COL28A1: variants seen among roughly 807,000 people sequenced by gnomAD.
COL28A1 encodes the protein collagen alpha-1(XXVIII) chain.
A neutral mutation model predicts 150.2 loss-of-function variants in COL28A1; 161 were observed. That is an observed-to-expected ratio of 1.07 (90% CI 0.94 to 1.22). The LOEUF is 1.22. Ranked by LOEUF, COL28A1 falls within the 50% of genes most tolerant of loss-of-function variation. The probability of loss-of-function intolerance (pLI) is 0.00; values close to 1 mark genes in which losing one functional copy is unlikely to be tolerated. For missense variants in COL28A1, 1,617 were observed against 1,388.3 expected (o/e 1.16, Z -2.62); for synonymous variants, 552 against 469.7 (o/e 1.18, Z -2.26).
At chr7:7,397,873 C>A (rs1194745151) in intron 27 of COL28A1, among the ~76,000 whole-genome samples, 1 of 152,194 alleles carries the variant, frequency 6.6e-6, no homozygotes, top group Non-Finnish European at 1.5e-5. Context: ...CAAGTGCCTC[C>A]TACTCTCATC....
chr7:7,426,617 CCT>C (rs995199703), intron 25 of COL28A1, among the ~76,000 whole-genome samples: 1 of 152,144 alleles, frequency 6.6e-6, no homozygotes, highest in African/African-American at 2.4e-5. Context: ...TGCTACATTT[CCT>C]CTCAAGTATT....
At chr7:7,397,575 G>A (rs1782912809) in intron 27 of COL28A1, among the ~76,000 whole-genome samples, 1 of 152,156 alleles carries the variant, frequency 6.6e-6, no homozygotes. Context: ...TCATGAATAT[G>A]TGTATGTGCA....
At chr7:7,345,218 A>C in the COL28A1 span, among the ~76,000 whole-genome samples, 1 of 152,098 alleles carries the variant, frequency 6.6e-6, no homozygotes, top group East Asian at 1.9e-4. Flanking sequence ...TACCTATTAA[A>C]AGTTACATGA....
At chr7:7,351,231 A>G (rs1334483063), downstream of COL28A1, among the ~76,000 whole-genome samples, 1 of 152,160 alleles carries the variant, frequency 6.6e-6, no homozygotes, top group Non-Finnish European at 1.5e-5. Flanking sequence ...AGAGGATAGG[A>G]TGGTAAAAGA....
intron 14 of COL28A1, among the ~76,000 whole-genome samples, chr7:7,476,452 T>G (rs1044478261): frequency 6.6e-6 from 1 of 152,200 alleles, no homozygotes; most frequent in Non-Finnish European, 1.5e-5. Context: ...ACAGCCACAT[T>G]CCTTCATTTA....
At chr7:7,430,040 A>C (rs934064513) in intron 25 of COL28A1, among the ~76,000 whole-genome samples, 1 of 152,184 alleles carries the variant, frequency 6.6e-6, no homozygotes, top group African/African-American at 2.4e-5. Flanking sequence ...CTTTTGGAGG[A>C]AAATGGCATA....
chr7:7,464,421 A>T (rs1014362729), intron 15 of COL28A1, among the ~76,000 whole-genome samples: 2 of 152,228 alleles, frequency 1.3e-5, no homozygotes, highest in Admixed American at 6.5e-5. Flanking sequence ...CAACAAAACA[A>T]GCCTCAATAA....
At chr7:7,417,730 G>A (rs185971691) in intron 27 of COL28A1, 129 bp downstream of exon 27, 7 of 748,476 alleles carry the variant, frequency 9.4e-6, no homozygotes, top group Non-Finnish European at 9.3e-6. Flanking sequence ...CTAAACACTG[G>A]ATGCCATTTA....
intron 15 of COL28A1, among the ~76,000 whole-genome samples, chr7:7,471,125 T>TAAAAAAAAAAAAAAAAAAAAAA (rs746981344): frequency 2.3e-5 from 2 of 88,524 alleles, no homozygotes; most frequent in Non-Finnish European, 4.7e-5. Flanking sequence ...AAAAAATAAT[T>TAAAAAAAAAAAAAAAAAAAAAA]AAAAAAAAAA....
intron 33 of COL28A1, among the ~76,000 whole-genome samples, chr7:7,366,253 T>G (rs1293147436): frequency 6.6e-6 from 1 of 152,190 alleles, no homozygotes; most frequent in East Asian, 1.9e-4. Flanking sequence ...TCATTCATCA[T>G]GAGATATACC....
intron 15 of COL28A1, among the ~76,000 whole-genome samples, chr7:7,465,155 C>T (rs111955812): frequency 0.028 from 4,192 of 151,032 alleles, 165 homozygotes; most frequent in African/African-American, 0.095. Flanking sequence ...GCGTGAGCGA[C>T]GCAGAAGACG....
At chr7:7,407,231 A>G (rs1056148992) in intron 27 of COL28A1, among the ~76,000 whole-genome samples, 1 of 152,108 alleles carries the variant, frequency 6.6e-6, no homozygotes, top group African/African-American at 2.4e-5. Context: ...AGTTTCAGAA[A>G]GATGGTTAGT....
rs1265552750 is a variant in COL28A1, at chr7:7,358,554, AGTG to A, written c.*76_*78del. ...AAATACTCAGTATACACTCAAATAT[AGTG>A]CTGTATTTGTATTGGGTGAATATGT... On this transcript the variant is annotated 3_prime_UTR_variant, in exon 35 of 35. Transcript: ENST00000399429. The A allele has an allele frequency of 6.5e-5, 83 of 1,283,474 alleles. No individual in the cohort carries two copies. Among genetic ancestry groups the A allele is most frequent in the Admixed American group, 4.9e-4 (27 of 54,844 alleles). 79.5% of individuals were successfully genotyped at this position (1,283,474 alleles called of 1,614,324 possible).
At chr7:7,420,195 C>A in intron 25 of COL28A1, 1 of 298,972 alleles carries the variant, frequency 3.3e-6, no homozygotes, top group Admixed American at 4.7e-5. Flanking sequence ...GAACCCTCTT[C>A]TCTAGAATTT....
intron 23 of COL28A1, among the ~76,000 whole-genome samples, chr7:7,435,854 C>G (rs976744116): frequency 6.6e-6 from 1 of 152,076 alleles, no homozygotes; most frequent in Non-Finnish European, 1.5e-5. Context: ...CTGGTTGACA[C>G]CTAGGAATGC....
intron 15 of COL28A1, among the ~76,000 whole-genome samples, chr7:7,461,292 G>A (rs1327477513): frequency 6.6e-6 from 1 of 152,222 alleles, no homozygotes; most frequent in Admixed American, 6.5e-5. Context: ...GGGTCCTTGA[G>A]GATGGCTGCC....
chr7:7,438,604 G>T (rs1372162101), intron 21 of COL28A1, among the ~76,000 whole-genome samples: 1 of 151,866 alleles, frequency 6.6e-6, no homozygotes, highest in Admixed American at 6.6e-5. Context: ...TGACCCACTG[G>T]GATATAAAGA....
intron 17 of COL28A1, 111 bp from the exon 18 acceptor site, chr7:7,452,498 A>T: frequency 7.2e-7 from 1 of 1,393,860 alleles, no homozygotes. Context: ...CATGTGCTCA[A>T]TTCATATATA....
At chr7:7,527,784 A>C (rs998294903) in intron 3 of COL28A1, among the ~76,000 whole-genome samples, 3 of 152,204 alleles carry the variant, frequency 2.0e-5, no homozygotes, top group African/African-American at 4.8e-5. Flanking sequence ...GCTAGAATGG[A>C]ATCACCAATT....
Sources: allele counts gnomAD v4.1 joint callset (sites outside exome capture counted in the v4.1 genomes callset), GRCh38; gene constraint gnomAD v4.1.1; transcripts MANE v1.5; gene names NCBI Gene and HGNC (gene_info 2026-07-23, HGNC 2026-07-21).